INPP4B: variants seen among roughly 807,000 people sequenced by gnomAD.
INPP4B encodes the protein inositol polyphosphate-4-phosphatase type II B, also known as inositol polyphosphate 4-phosphatase type II.
A neutral mutation model predicts 122.5 loss-of-function variants in INPP4B; 55 were observed. That is an observed-to-expected ratio of 0.45 (90% confidence interval 0.36 to 0.56). The LOEUF is 0.56. Ranked by LOEUF, INPP4B falls within the 20% of genes least tolerant of loss-of-function variation. INPP4B has a pLI of 0.00. For synonymous variants in INPP4B, 403 were observed against 388.7 expected, an observed-to-expected ratio of 1.04 and a Z score of -0.43; for missense variants, 1,000 against 1,097.7, an observed-to-expected ratio of 0.91 and a Z score of 1.26.
At position 142,291,557 on chromosome 4, in the gene INPP4B, T is replaced by C. The variant is rs554941551; in HGVS notation, c.503+13901A>G. Among the ~76,000 whole-genome samples, 18 of 152,326 alleles carry C rather than the reference T, an allele frequency of 1.2e-4. No homozygotes were observed. The South Asian group carries it at 3.1e-3, about 26-fold the overall frequency. ...TTTCCTAGAATGGGTATTCATGTAC[T>C]GTTATAAAATGTTGCTTGCTCTCTA... On this transcript the variant is annotated intron_variant, in intron 9 of 25. Transcript: ENST00000262992.
intron 2 of INPP4B, among the ~76,000 whole-genome samples, chr4:142,552,348 G>A (rs1162576858): frequency 6.6e-6 from 1 of 151,862 alleles, no homozygotes; most frequent in African/African-American, 2.4e-5. Flanking sequence ...CTGCTAATCT[G>A]GGATCCTCAT....
intron 11 of INPP4B, among the ~76,000 whole-genome samples, chr4:142,243,628 T>A (rs530577834): frequency 6.6e-6 from 1 of 152,192 alleles, no homozygotes; most frequent in African/African-American, 2.4e-5. Context: ...ATAAAATGAA[T>A]ATCATCTGAT....
intron 2 of INPP4B, among the ~76,000 whole-genome samples, chr4:142,614,892 C>T (rs1743363458): frequency 6.6e-6 from 1 of 152,040 alleles, no homozygotes; most frequent in Admixed American, 6.6e-5. Flanking sequence ...CAAAAAACAA[C>T]AGATGTTGGT....
intron 6 of INPP4B, 47 bp downstream of exon 6, chr4:142,405,159 A>AGAG (rs1802997754): frequency 8.2e-6 from 8 of 970,588 alleles, no homozygotes; most frequent in Admixed American, 1.8e-5. Flanking sequence ...GCGAGCCAGC[A>AGAG]AGAGAGAGAG....
At chr4:142,038,858 AT>A (rs975217461) in intron 25 of INPP4B, among the ~76,000 whole-genome samples, 1 of 151,964 alleles carries the variant, frequency 6.6e-6, no homozygotes, top group African/African-American at 2.4e-5. Flanking sequence ...CTTTTTAGAT[AT>A]TTTTTTTCAT....
chr4:142,527,583 C>G (rs1827096138), intron 2 of INPP4B, among the ~76,000 whole-genome samples: 1 of 151,886 alleles, frequency 6.6e-6, no homozygotes, highest in South Asian at 2.1e-4. Context: ...ATTATAAAAT[C>G]CAGTTTTCTT....
At chr4:142,554,340 A>G (rs537746969) in intron 2 of INPP4B, among the ~76,000 whole-genome samples, 5 of 146,872 alleles carry the variant, frequency 3.4e-5, no homozygotes, top group Non-Finnish European at 7.4e-5. Flanking sequence ...ATAGTCCAGT[A>G]CTATTATTTT....
chr4:142,349,068 T>C (rs554079290), intron 7 of INPP4B, among the ~76,000 whole-genome samples: 1 of 152,196 alleles, frequency 6.6e-6, no homozygotes, highest in East Asian at 1.9e-4. Flanking sequence ...GCCTGTTTAT[T>C]AGATACTGCT....
At chr4:142,387,667 C>T (rs1042752104) in intron 7 of INPP4B, among the ~76,000 whole-genome samples, 1 of 152,000 alleles carries the variant, frequency 6.6e-6, no homozygotes, top group Non-Finnish European at 1.5e-5. Flanking sequence ...CTGTGCAAAT[C>T]GGTTGGATGA....
chr4:142,364,792 C>A (rs186100826), intron 7 of INPP4B, among the ~76,000 whole-genome samples: 8 of 152,198 alleles, frequency 5.3e-5, no homozygotes, highest in Admixed American at 3.3e-4. Flanking sequence ...CTCCAACAAA[C>A]TCATGTGTGC....
intron 2 of INPP4B, among the ~76,000 whole-genome samples, chr4:142,584,823 G>A (rs1183247846): frequency 6.6e-6 from 1 of 152,048 alleles, no homozygotes. Context: ...ACCTCCTTGA[G>A]GGCAGAGTAT....
intron 2 of INPP4B, among the ~76,000 whole-genome samples, chr4:142,556,307 A>G (rs1446913161): frequency 6.6e-6 from 1 of 152,182 alleles, no homozygotes; most frequent in Non-Finnish European, 1.5e-5. Context: ...GTGTGGGAAC[A>G]ACACCACATC....
chr4:142,782,955 A>G (rs1164972224), intron 1 of INPP4B, among the ~76,000 whole-genome samples: 1 of 152,174 alleles, frequency 6.6e-6, no homozygotes, highest in Non-Finnish European at 1.5e-5. Context: ...AAAACTGGCT[A>G]GCCATATGTA....
In INPP4B at chr4:142,523,630, T is replaced by C. The variant is rs1345554836; in HGVS notation, c.-190-60904A>G. On this transcript the variant is annotated intron_variant, in intron 2 of 25. Transcript: ENST00000262992. ...TTGCTCTCCTCCTGCTTTTAGCTTT[T>C]CTTTTTTCAATAAAAGTATGTATTA... Among the ~76,000 whole-genome samples, 4 of 152,258 alleles carry C rather than the reference T, an allele frequency of 2.6e-5. No homozygotes were observed. In the South Asian group the frequency reaches 8.3e-4, roughly 32 times the overall value.
intron 2 of INPP4B, among the ~76,000 whole-genome samples, chr4:142,612,528 C>A (rs1177639681): frequency 2.0e-5 from 3 of 152,162 alleles, no homozygotes; most frequent in African/African-American, 7.2e-5. Context: ...AAGGTACCAA[C>A]ATATTTGGCG....
chr4:142,124,891 G>T, intron 18 of INPP4B, 131 bp from the exon 19 acceptor site: 1 of 697,432 alleles, frequency 1.4e-6, no homozygotes, highest in East Asian at 3.1e-5. Context: ...ACAAAGATTA[G>T]AGCTGAAGAT....
intron 12 of INPP4B, among the ~76,000 whole-genome samples, chr4:142,235,504 C>T (rs927415145): frequency 6.6e-6 from 1 of 152,166 alleles, no homozygotes; most frequent in Non-Finnish European, 1.5e-5. Context: ...TCACTGCAAG[C>T]TCCGCCTCCC....
intron 18 of INPP4B, among the ~76,000 whole-genome samples, chr4:142,140,953 G>A (rs1273669065): frequency 6.6e-6 from 1 of 152,180 alleles, no homozygotes; most frequent in Non-Finnish European, 1.5e-5. Flanking sequence ...AACTGTATTT[G>A]TATCGCTGCG....
At chr4:142,327,334 A>G (rs1309330452) in intron 7 of INPP4B, among the ~76,000 whole-genome samples, 1 of 152,144 alleles carries the variant, frequency 6.6e-6, no homozygotes, top group Non-Finnish European at 1.5e-5. Flanking sequence ...ATTCCAGATC[A>G]TTGACAACCT....
Sources: gnomAD v4.1 joint callset for allele counts (sites outside exome capture counted in the v4.1 genomes callset) on GRCh38, gnomAD v4.1.1 for gene constraint, MANE v1.5 for transcripts, NCBI Gene and HGNC (gene_info 2026-07-23, HGNC 2026-07-21) for gene names.